The following AKR1C3 variants were observed in gnomAD, a reference collection of about 807,000 sequenced individuals.
AKR1C3 encodes the protein 3-alpha hydroxysteroid dehydrogenase, type II.
AKR1C3 carries 48 observed loss-of-function variants against 43.6 expected under a neutral mutation model. The ratio of observed to expected loss-of-function variants is 1.10; its 90% confidence interval spans 0.87 to 1.40. The LOEUF is 1.40. Ranked by LOEUF, AKR1C3 falls within the 40% of genes most tolerant of loss-of-function variation. AKR1C3 has a pLI of 0.00. For synonymous variants in AKR1C3, 162 were observed against 139.6 expected (o/e 1.16, Z -1.13); for missense variants, 482 against 391.2 (o/e 1.23, Z -1.96).
At chr10:5,060,674 G>C (rs2131784973) in intron 1 of AKR1C3, among the ~76,000 whole-genome samples, 1 of 152,348 alleles carries the variant, frequency 6.6e-6, no homozygotes, top group Middle Eastern at 3.4e-3. Context: ...TTCCAATCCT[G>C]TGCCATGTGC....
At chr10:5,097,194 C>A (rs1286925852) in intron 2 of AKR1C3, among the ~76,000 whole-genome samples, 3 of 152,046 alleles carry the variant, frequency 2.0e-5, no homozygotes, top group Non-Finnish European at 4.4e-5. Flanking sequence ...TAATACTAAT[C>A]TTTACATTTT....
chr10:5,082,570 A>C (rs1407621370), intron 1 of AKR1C3, among the ~76,000 whole-genome samples: 1 of 151,764 alleles, frequency 6.6e-6, no homozygotes, highest in Non-Finnish European at 1.5e-5. Context: ...AAGTATGTTT[A>C]TATGGTGAAT....
chr10:5,084,017 A>G (rs566306090), intron 1 of AKR1C3, among the ~76,000 whole-genome samples: 1 of 152,230 alleles, frequency 6.6e-6, no homozygotes, highest in Admixed American at 6.5e-5. Context: ...ATTTTCTCCC[A>G]TTCTGTAGGT....
In AKR1C3 at chr10:5,107,511, G is replaced by A. The variant is rs3209896; in HGVS notation, c.*8G>A. 0.57 allele frequency: 898,049 copies of A among 1,577,388 alleles called. 263,662 individuals carry two copies. Among genetic ancestry groups the A allele is most frequent in the African/African-American group, 0.64 (47,126 of 73,930 alleles). ...TATTCAGATGAATATTAACATGGAG[G>A]GCTTTGCCTGATGTCTACCAGAAGC... On this transcript the variant is annotated 3_prime_UTR_variant, in exon 9 of 9. Coordinates refer to ENST00000380554, the MANE Select transcript of AKR1C3 (RefSeq NM_003739.6).
At chr10:5,053,239 G>T (rs1170049950) in intron 1 of AKR1C3, among the ~76,000 whole-genome samples, 1 of 152,266 alleles carries the variant, frequency 6.6e-6, no homozygotes, top group Admixed American at 6.5e-5. Context: ...GGAGCCCACG[G>T]ACGGTGGAGA....
At chr10:5,084,985 A>G (rs7898006) in intron 1 of AKR1C3, among the ~76,000 whole-genome samples, 112,318 of 151,882 alleles carry the variant, frequency 0.74, 41,775 homozygotes, top group East Asian at 0.86. Context: ...GGGCTGAGAC[A>G]ATGGGGTTTT....
At chr10:5,082,983 A>T (rs1410673714) in intron 1 of AKR1C3, among the ~76,000 whole-genome samples, 1 of 152,108 alleles carries the variant, frequency 6.6e-6, no homozygotes, top group East Asian at 1.9e-4. Flanking sequence ...AGTATTTTTC[A>T]TTACTCATTA....
intron 3 of AKR1C3, chr10:5,097,867 A>C: frequency 2.6e-6 from 3 of 1,136,018 alleles, no homozygotes; most frequent in Non-Finnish European, 3.3e-6. Flanking sequence ...CCAGACACAG[A>C]GTTTCATGCA....
At chr10:5,106,541 A>G (rs1332406752) in intron 8 of AKR1C3, among the ~76,000 whole-genome samples, 4 of 152,168 alleles carry the variant, frequency 2.6e-5, no homozygotes, top group African/African-American at 9.7e-5. Flanking sequence ...GACTGAGGTC[A>G]GGAGTTCGAG....
chr10:5,106,415 T>G (rs1331402094), intron 8 of AKR1C3, among the ~76,000 whole-genome samples: 1 of 152,066 alleles, frequency 6.6e-6, no homozygotes, highest in Non-Finnish European at 1.5e-5. Context: ...TGGTCTAAGG[T>G]TCTAGGATTC....
At chr10:5,103,122 C>T (rs12244584) in intron 7 of AKR1C3, among the ~76,000 whole-genome samples, 39,581 of 151,860 alleles carry the variant, frequency 0.26, 5,388 homozygotes, top group Middle Eastern at 0.37. Context: ...AACTCCTGAC[C>T]TCAGGCAACC....
chr10:5,088,105 AT>A (rs1839013189), intron 1 of AKR1C3, among the ~76,000 whole-genome samples: 1 of 152,034 alleles, frequency 6.6e-6, no homozygotes, highest in South Asian at 2.1e-4. Flanking sequence ...ACATTGTTTA[AT>A]TTTTCATGCA....
chr10:5,049,362 A>G (rs1838104675), intron 1 of AKR1C3, among the ~76,000 whole-genome samples: 1 of 152,234 alleles, frequency 6.6e-6, no homozygotes, highest in South Asian at 2.1e-4. Flanking sequence ...CTGTTCTGAT[A>G]TGCGGCCTTG....
At chr10:5,049,713 A>G (rs1838113803) in intron 1 of AKR1C3, among the ~76,000 whole-genome samples, 1 of 152,240 alleles carries the variant, frequency 6.6e-6, no homozygotes, top group Non-Finnish European at 1.5e-5. Context: ...TTTGAGTCTC[A>G]CTTTTCTCTC....
At chr10:5,101,500 AAG>A (rs1185051057) in intron 5 of AKR1C3, among the ~76,000 whole-genome samples, 1 of 152,170 alleles carries the variant, frequency 6.6e-6, no homozygotes, top group African/African-American at 2.4e-5. Flanking sequence ...TCAATTTCCT[AAG>A]AGATTACTAT....
intron 1 of AKR1C3, among the ~76,000 whole-genome samples, chr10:5,050,170 C>CA: frequency 6.6e-6 from 1 of 152,358 alleles, no homozygotes. Context: ...TAAATCCTGT[C>CA]AATTCGGTGT....
intron 1 of AKR1C3, among the ~76,000 whole-genome samples, chr10:5,060,734 AG>A (rs1554780139): frequency 1.3e-5 from 2 of 152,024 alleles, no homozygotes; most frequent in African/African-American, 4.8e-5. Flanking sequence ...GCTGTGGAGC[AG>A]GGGGTGGCAC....
chr10:5,073,471 A>G (rs964383349), intron 1 of AKR1C3, among the ~76,000 whole-genome samples: 1 of 152,146 alleles, frequency 6.6e-6, no homozygotes, highest in African/African-American at 2.4e-5. Context: ...AAGACATAGA[A>G]CAACCCTCCC....
chr10:5,106,739 G>T (rs1419937293), intron 8 of AKR1C3, among the ~76,000 whole-genome samples: 2 of 145,546 alleles, frequency 1.4e-5, no homozygotes, highest in Non-Finnish European at 3.0e-5. Flanking sequence ...GAATGACAGA[G>T]TGAGGCTCCA....
Sources: gnomAD v4.1 joint callset for allele counts (sites outside exome capture counted in the v4.1 genomes callset) on GRCh38, gnomAD v4.1.1 for gene constraint, MANE v1.5 for transcripts, NCBI Gene and HGNC (gene_info 2026-07-23, HGNC 2026-07-21) for gene names.